The following DSCAM variants were observed in gnomAD, a reference collection of about 807,000 sequenced individuals.
DSCAM encodes cell adhesion molecule DSCAM.
In DSCAM, 47 loss-of-function variants were observed where a neutral mutation model predicts 217.7. The ratio of observed to expected loss-of-function variants is 0.22; its 90% CI spans 0.17 to 0.28. The LOEUF (loss-of-function observed/expected upper bound fraction) is 0.28, where lower values mean the gene tolerates loss of function less well. Among genes scored for constraint, DSCAM ranks in the 10% least tolerant of loss-of-function variants. The probability of loss-of-function intolerance (pLI) is 1.00; values close to 1 mark genes in which losing one functional copy is unlikely to be tolerated. For synonymous variants in DSCAM, 1,056 were observed against 1,015.3 expected (o/e 1.04, Z -0.76); for missense variants, 2,080 against 2,618.3 (o/e 0.79, Z 4.49).
chr21:40,454,006 A>AC (rs1409924043), intron 3 of DSCAM, among the ~76,000 whole-genome samples: 1 of 152,168 alleles, frequency 6.6e-6, no homozygotes, highest in Admixed American at 6.5e-5. Context: ...TCACGAGTAC[A>AC]CCCCAAATAC....
chr21:40,588,148 T>C (rs1431048610), intron 3 of DSCAM, among the ~76,000 whole-genome samples: 1 of 152,198 alleles, frequency 6.6e-6, no homozygotes, highest in Non-Finnish European at 1.5e-5. Flanking sequence ...GCCACAGACC[T>C]TGGCGGGCCC....
At chr21:40,621,597 CA>C (rs1254831435) in intron 3 of DSCAM, among the ~76,000 whole-genome samples, 3 of 151,788 alleles carry the variant, frequency 2.0e-5, no homozygotes, top group Non-Finnish European at 4.4e-5. Context: ...GGATGGCACC[CA>C]GAGAAGAGTG....
intron 3 of DSCAM, among the ~76,000 whole-genome samples, chr21:40,532,644 G>GTGA (rs1057308363): frequency 2.7e-4 from 41 of 152,156 alleles, no homozygotes; most frequent in Admixed American, 2.4e-3. Flanking sequence ...AAGATCATGG[G>GTGA]TGATGGGGGC....
At chr21:40,806,204 C>T (rs1185767805) in intron 1 of DSCAM, among the ~76,000 whole-genome samples, 1 of 152,168 alleles carries the variant, frequency 6.6e-6, no homozygotes, top group Non-Finnish European at 1.5e-5. Flanking sequence ...TAGATTAAGT[C>T]CCCACTGTGG....
At chr21:40,624,410 G>GT (rs1568945438) in intron 3 of DSCAM, among the ~76,000 whole-genome samples, 1 of 152,156 alleles carries the variant, frequency 6.6e-6, no homozygotes, top group African/African-American at 2.4e-5. Flanking sequence ...CAGCACTGCT[G>GT]TAAGATCGGA....
At chr21:40,108,026 C>T (rs995951805) in intron 20 of DSCAM, among the ~76,000 whole-genome samples, 2 of 152,010 alleles carry the variant, frequency 1.3e-5, no homozygotes, top group Non-Finnish European at 2.9e-5. Flanking sequence ...GTATTATGAC[C>T]CATATATGAC....
At chr21:40,801,748 C>T (rs1464038991) in intron 1 of DSCAM, among the ~76,000 whole-genome samples, 1 of 152,204 alleles carries the variant, frequency 6.6e-6, no homozygotes, top group Non-Finnish European at 1.5e-5. Context: ...AGCGCTAATT[C>T]TGCAGGCTCT....
chr21:40,189,168 G>A lies in DSCAM; in HGVS notation c.2427C>T (p.Cys809=). Reference sequence around the variant, plus strand: ...TAATGGGCTTCTCACCATGCGCCGTGCAGCTCATCTCCTTTTTCTGCCCCT... The same window carrying A: ...TAATGGGCTTCTCACCATGCGCCGTACAGCTCATCTCCTTTTTCTGCCCCT... ...ATQGQKKEMS[C]TAHGEKPIIV... Residue 809 remains cysteine (C), a synonymous_variant, in exon 12 of 33, where the codon TGC becomes TGT. Coordinates refer to ENST00000400454, the MANE Select transcript of DSCAM (RefSeq NM_001389.5). 6.2e-7 allele frequency: 1 copy of A among 1,613,898 alleles called. No homozygotes were observed. Among genetic ancestry groups the A allele is most frequent in the Non-Finnish European group, 8.5e-7 (1 of 1,179,964 alleles).
chr21:40,841,099 C>G (rs1463246362), intron 1 of DSCAM, among the ~76,000 whole-genome samples: 1 of 152,140 alleles, frequency 6.6e-6, no homozygotes, highest in East Asian at 1.9e-4. Flanking sequence ...ACCACAGACT[C>G]CATCAAGGAA....
intron 3 of DSCAM, among the ~76,000 whole-genome samples, chr21:40,514,715 C>A (rs570743325): frequency 6.6e-6 from 1 of 152,258 alleles, no homozygotes; most frequent in South Asian, 2.1e-4. Flanking sequence ...TGCTTTCATT[C>A]CTTATTTTCG....
At chr21:40,646,407 T>C (rs993188562) in intron 3 of DSCAM, among the ~76,000 whole-genome samples, 16 of 102,730 alleles carry the variant, frequency 1.6e-4, no homozygotes, top group East Asian at 3.7e-4. Flanking sequence ...TGAGAGACTC[T>C]GTCAAAAAAA....
intron 11 of DSCAM, among the ~76,000 whole-genome samples, chr21:40,258,791 T>C (rs182331270): frequency 0.037 from 5,635 of 152,324 alleles, 334 homozygotes; most frequent in African/African-American, 0.13. Context: ...TTCTCCTCTC[T>C]CTTTACCTCT....
chr21:40,837,437 A>C (rs1569061539), intron 1 of DSCAM, among the ~76,000 whole-genome samples: 1 of 152,210 alleles, frequency 6.6e-6, no homozygotes. Flanking sequence ...CTCGAGGTCC[A>C]CATTTTTCTA....
rs1199095670 is a variant in DSCAM, at chr21:40,425,156, T to C, written c.509-55911A>G. ...CTCTTACAGTTATTGAGGCTACAAC[T>C]CCAAAACAGAACCAAGGTTTGGGTT... On this transcript the variant is annotated intron_variant, in intron 3 of 32. Transcript: ENST00000400454. Among the ~76,000 whole-genome samples, 5 of 151,958 alleles carry C rather than the reference T, an allele frequency of 3.3e-5. No homozygotes were observed. The East Asian group carries it at 9.7e-4, about 29-fold the overall frequency.
At chr21:40,798,491 A>G (rs935745905) in intron 1 of DSCAM, among the ~76,000 whole-genome samples, 1 of 152,088 alleles carries the variant, frequency 6.6e-6, no homozygotes, top group African/African-American at 2.4e-5. Flanking sequence ...AAGCTTGCAA[A>G]CCTATTTTTC....
At chr21:40,465,247 G>A (rs1414368222) in intron 3 of DSCAM, among the ~76,000 whole-genome samples, 1 of 151,934 alleles carries the variant, frequency 6.6e-6, no homozygotes, top group East Asian at 1.9e-4. Context: ...TCCTTTTGCT[G>A]CACGAAACAC....
chr21:40,779,032 GAA>G (rs772208075), intron 1 of DSCAM, among the ~76,000 whole-genome samples: 1,613 of 45,594 alleles, frequency 0.035, 13 homozygotes, highest in African/African-American at 0.12. Context: ...CTCAAAAACA[GAA>G]AAAAAAAAAA....
At chr21:40,030,446 C>T (rs2088499073) in intron 32 of DSCAM, among the ~76,000 whole-genome samples, 1 of 152,118 alleles carries the variant, frequency 6.6e-6, no homozygotes, top group African/African-American at 2.4e-5. Context: ...AAAGGCCTCT[C>T]AGGCAATGAG....
chr21:40,399,473 G>T (rs1389300375), intron 3 of DSCAM, among the ~76,000 whole-genome samples: 1 of 152,166 alleles, frequency 6.6e-6, no homozygotes, highest in East Asian at 1.9e-4. Flanking sequence ...AGCCTGGATT[G>T]TCAATTCCTG....
Sources: allele counts gnomAD v4.1 joint callset (sites outside exome capture counted in the v4.1 genomes callset), GRCh38; gene constraint gnomAD v4.1.1; transcripts MANE v1.5; gene names NCBI Gene and HGNC (gene_info 2026-07-23, HGNC 2026-07-21).